DENND4C: variants seen among roughly 807,000 people sequenced by gnomAD.
The protein encoded by DENND4C is DENN domain-containing protein 4C.
In DENND4C, 108 loss-of-function variants were observed where a neutral mutation model predicts 203.0. That is an observed-to-expected ratio of 0.53 (90% confidence interval 0.46 to 0.62). The LOEUF (loss-of-function observed/expected upper bound fraction) is 0.62. Among genes scored for constraint, DENND4C ranks in the 20% least tolerant of loss-of-function variants. The pLI, the probability that DENND4C is intolerant of heterozygous loss-of-function variation, is 0.00. For synonymous variants in DENND4C, 871 were observed against 792.4 expected (o/e 1.10, Z -1.67); for missense variants, 2,481 against 2,301.2 (o/e 1.08, Z -1.60).
At chr9:19,369,392 A>C (rs1828319064) in intron 30 of DENND4C, among the ~76,000 whole-genome samples, 1 of 152,162 alleles carries the variant, frequency 6.6e-6, no homozygotes, top group Non-Finnish European at 1.5e-5. Context: ...TTAGTTGGGC[A>C]CACTGCCACA....
intron 26 of DENND4C, 115 bp downstream of exon 26, chr9:19,352,780 C>T (rs1213258246): frequency 1.4e-6 from 1 of 721,406 alleles, no homozygotes; most frequent in African/African-American, 1.8e-5. Context: ...CTGTCCTTCA[C>T]CTTCAGTATT....
intron 5 of DENND4C, chr9:19,291,459 T>G (rs2131176766): frequency 6.6e-6 from 1 of 152,648 alleles, no homozygotes; most frequent in South Asian, 2.1e-4. Flanking sequence ...ATTCCAGCAC[T>G]TTGGGAGGCT....
At position 19,319,305 on chromosome 9, in the gene DENND4C, CAT is replaced by C. The variant is rs1342090261; in HGVS notation, c.1807+2472_1807+2473del. On this transcript the variant is annotated intron_variant, in intron 12 of 32. Coordinates refer to ENST00000434457, the MANE Select transcript of DENND4C (RefSeq NM_001330640.2). ...AAACATTTGTGTGTATATATATACA[CAT>C]ATATACACACATATATATACATATA... Among the ~76,000 whole-genome samples the C allele has an allele frequency of 4.7e-3, 600 of 126,362 alleles. 3 individuals carry two copies. Among genetic ancestry groups the C allele is most frequent in the African/African-American group, 0.015 (530 of 35,254 alleles). 82.9% of individuals were successfully genotyped at this position (126,362 alleles called of 152,430 possible).
At chr9:19,325,403 CTG>C (rs940205044) in intron 13 of DENND4C, among the ~76,000 whole-genome samples, 2 of 151,984 alleles carry the variant, frequency 1.3e-5, no homozygotes, top group African/African-American at 4.8e-5. Flanking sequence ...TTTATGCAAA[CTG>C]TATATTATAT....
At chr9:19,308,083 A>T (rs1025436168) in intron 10 of DENND4C, among the ~76,000 whole-genome samples, 2 of 152,072 alleles carry the variant, frequency 1.3e-5, no homozygotes, top group African/African-American at 4.8e-5. Flanking sequence ...GTTCATTTTC[A>T]ACAGTGATCA....
chr9:19,346,713 C>G lies in DENND4C; in HGVS notation c.3944C>G (p.Thr1315Ser), dbSNP rs761158047. 6.2e-7 allele frequency: 1 copy of G among 1,614,048 alleles called. No homozygotes were observed. Among genetic ancestry groups the G allele is most frequent in the Non-Finnish European group, 8.5e-7 (1 of 1,180,022 alleles). ...HREENRESGM[T>S]TAFIHALERR... The stretch of plus-strand genomic sequence containing the variant: ...GAGGAAAACAGAGAGTCTGGCATGA[C>G]TACTGCATTTATTCATGCTCTAGAG... The change falls in exon 23 of 33, where the codon ACT becomes AGT. Residue 1315 changes from threonine to serine, a missense_variant. By Grantham distance (58) the Thr-to-Ser change is moderately conservative. Transcript: ENST00000434457.
intron 3 of DENND4C, 51 bp from the exon 4 acceptor site, chr9:19,288,545 A>G (rs1040213761): frequency 2.4e-5 from 27 of 1,131,508 alleles, no homozygotes; most frequent in Middle Eastern, 3.3e-4. Flanking sequence ...AACAAAATCA[A>G]TTTCTTTTCA....
chr9:19,296,492 T>C (rs1369257270), intron 6 of DENND4C, among the ~76,000 whole-genome samples: 1 of 151,484 alleles, frequency 6.6e-6, no homozygotes, highest in Non-Finnish European at 1.5e-5. Flanking sequence ...GCCTCCCGAG[T>C]AGCTGGGATT....
intron 28 of DENND4C, 48 bp from the exon 29 acceptor site, chr9:19,360,196 T>C: frequency 3.2e-6 from 5 of 1,573,352 alleles, no homozygotes; most frequent in Non-Finnish European, 4.3e-6. Context: ...CTCTTGAGCA[T>C]ACAGATTTAA....
intron 1 of DENND4C, among the ~76,000 whole-genome samples, chr9:19,255,693 G>A (rs530527324): frequency 2.2e-4 from 33 of 152,248 alleles, no homozygotes; most frequent in African/African-American, 7.9e-4. Context: ...TAATGTTTAT[G>A]CCTTTAATAA....
At chr9:19,282,786 G>T (rs1224612426) in intron 2 of DENND4C, among the ~76,000 whole-genome samples, 1 of 137,026 alleles carries the variant, frequency 7.3e-6, no homozygotes, top group Non-Finnish European at 1.5e-5. Context: ...GTATGATTGG[G>T]GCTCACTACA....
intron 12 of DENND4C, among the ~76,000 whole-genome samples, chr9:19,317,775 A>G (rs958388638): frequency 6.6e-6 from 1 of 152,230 alleles, no homozygotes; most frequent in Non-Finnish European, 1.5e-5. Context: ...TCAAGAAAAC[A>G]TATTTTACAC....
At chr9:19,238,185 C>G (rs989823385) in intron 1 of DENND4C, among the ~76,000 whole-genome samples, 1 of 151,170 alleles carries the variant, frequency 6.6e-6, no homozygotes, top group African/African-American at 2.4e-5. Flanking sequence ...TGGATTCAAG[C>G]GATTCTCCTG....
chr9:19,231,469 A>AC (rs1169327188), intron 1 of DENND4C, among the ~76,000 whole-genome samples: 1 of 151,706 alleles, frequency 6.6e-6, no homozygotes, highest in Non-Finnish European at 1.5e-5. Flanking sequence ...TAAACACAAA[A>AC]CCAAGGAATG....
At chr9:19,335,546 TAG>T (rs1168397190) in intron 18 of DENND4C, among the ~76,000 whole-genome samples, 7 of 152,144 alleles carry the variant, frequency 4.6e-5, no homozygotes, top group African/African-American at 1.7e-4. Context: ...ACCATACTTC[TAG>T]TCTCTGCTTT....
At chr9:19,259,235 G>A (rs114871234) in intron 1 of DENND4C, among the ~76,000 whole-genome samples, 1,724 of 150,526 alleles carry the variant, frequency 0.011, 17 homozygotes, top group African/African-American at 0.017. Flanking sequence ...TCTCCATTCC[G>A]CCCCCGCCAC....
At chr9:19,312,361 C>T (rs1170759352) in intron 10 of DENND4C, among the ~76,000 whole-genome samples, 4 of 152,042 alleles carry the variant, frequency 2.6e-5, no homozygotes. Flanking sequence ...TATCAGCCTC[C>T]CAAAGTGCTG....
intron 1 of DENND4C, among the ~76,000 whole-genome samples, chr9:19,247,006 C>T (rs1307267590): frequency 6.6e-6 from 1 of 152,148 alleles, no homozygotes; most frequent in Non-Finnish European, 1.5e-5. Context: ...GGCTCTTTTG[C>T]ACTCCCACCA....
At chr9:19,245,013 A>G (rs560837754) in intron 1 of DENND4C, among the ~76,000 whole-genome samples, 1 of 152,322 alleles carries the variant, frequency 6.6e-6, no homozygotes, top group African/African-American at 2.4e-5. Flanking sequence ...TGCAGATCGC[A>G]GGTTTCTTTT....
Sources: gnomAD v4.1 joint callset for allele counts (sites outside exome capture counted in the v4.1 genomes callset) on GRCh38, gnomAD v4.1.1 for gene constraint, MANE v1.5 for transcripts, NCBI Gene and HGNC (gene_info 2026-07-23, HGNC 2026-07-21) for gene names.